LPP: variants seen among roughly 807,000 people sequenced by gnomAD.
LPP encodes lipoma-preferred partner.
LPP carries 38 observed loss-of-function variants against 60.4 expected under a neutral mutation model. The observed-to-expected ratio is 0.63, with a 90% CI of 0.49 to 0.83. The LOEUF is 0.83. LPP is among the 40% of genes least tolerant of loss of function. LPP has a pLI of 0.00. For synonymous variants in LPP, 328 were observed against 290.8 expected (o/e 1.13, Z -1.30); for missense variants, 902 against 783.6 (o/e 1.15, Z -1.80).
At chr3:188,746,941 C>T (rs1408553823) in intron 8 of LPP, among the ~76,000 whole-genome samples, 1 of 152,154 alleles carries the variant, frequency 6.6e-6, no homozygotes, top group Non-Finnish European at 1.5e-5. Flanking sequence ...AGTGGATTTT[C>T]CTTACCCTCA....
intron 3 of LPP, among the ~76,000 whole-genome samples, chr3:188,384,544 C>G (rs1283447785): frequency 2.0e-5 from 3 of 152,036 alleles, no homozygotes; most frequent in African/African-American, 7.2e-5. Context: ...GTAATCCCAG[C>G]ACTTTGGGAG....
intron 7 of LPP, among the ~76,000 whole-genome samples, chr3:188,660,113 A>T (rs1174500287): frequency 6.6e-6 from 1 of 151,992 alleles, no homozygotes; most frequent in Non-Finnish European, 1.5e-5. Context: ...ACACATATTT[A>T]TTACCCGTAT....
intron 1 of LPP, among the ~76,000 whole-genome samples, chr3:188,176,186 G>A (rs1174422668): frequency 6.6e-6 from 1 of 152,138 alleles, no homozygotes; most frequent in Non-Finnish European, 1.5e-5. Context: ...CGTCTCAGAG[G>A]TTCTGATGCT....
intron 7 of LPP, among the ~76,000 whole-genome samples, chr3:188,646,980 G>A (rs1186280772): frequency 6.6e-6 from 1 of 152,262 alleles, no homozygotes; most frequent in Non-Finnish European, 1.5e-5. Flanking sequence ...GTGCCAAGCA[G>A]AGTGTTGCTG....
intron 4 of LPP, among the ~76,000 whole-genome samples, chr3:188,448,288 T>A (rs1028539450): frequency 1.3e-5 from 2 of 152,100 alleles, no homozygotes; most frequent in African/African-American, 2.4e-5. Context: ...GTCTTTGTAA[T>A]GGAGATAATA....
chr3:188,635,834 A>T (rs926865043), intron 7 of LPP, among the ~76,000 whole-genome samples: 5 of 152,234 alleles, frequency 3.3e-5, no homozygotes, highest in Admixed American at 1.3e-4. Context: ...ATTTGAATTT[A>T]GTGTTGGAGA....
chr3:188,752,012 G>A (rs774006850), intron 8 of LPP, among the ~76,000 whole-genome samples: 2 of 152,136 alleles, frequency 1.3e-5, no homozygotes, highest in Non-Finnish European at 2.9e-5. Flanking sequence ...CATCTTTAGA[G>A]AACAGTCCAA....
chr3:188,659,019 G>C (rs1853979836), intron 7 of LPP, among the ~76,000 whole-genome samples: 1 of 152,208 alleles, frequency 6.6e-6, no homozygotes, highest in Admixed American at 6.5e-5. Flanking sequence ...GGTGCTCTTA[G>C]TGACCACAGA....
At chr3:188,216,888 G>A (rs1028335267) in intron 1 of LPP, among the ~76,000 whole-genome samples, 1 of 152,178 alleles carries the variant, frequency 6.6e-6, no homozygotes, top group Non-Finnish European at 1.5e-5. Context: ...CACAGTGCAG[G>A]GCTACTATCC....
At chr3:188,345,484 G>T (rs1002026620) in intron 3 of LPP, among the ~76,000 whole-genome samples, 1 of 152,014 alleles carries the variant, frequency 6.6e-6, no homozygotes, top group Admixed American at 6.6e-5. Context: ...CCTGTTTCCT[G>T]CACATTGTTG....
chr3:188,746,515 C>T lies in LPP; in HGVS notation c.1241-13598C>T, dbSNP rs201624067. ...TGCTGATAATGCCAAGCTGTGTTTA[C>T]AGTCCAAATTTTTGCTGAAGACCTT... On this transcript the variant is annotated intron_variant, in intron 8 of 11. Coordinates refer to ENST00000617246, the MANE Select transcript of LPP (RefSeq NM_001375462.1). The T allele has an allele frequency of 2.2e-4, 109 of 487,478 alleles. 1 individual carries two copies. Among genetic ancestry groups the T allele is most frequent in the Admixed American group, 9.2e-5 (4 of 43,292 alleles). 30.2% of individuals were successfully genotyped at this position (487,478 alleles called of 1,614,324 possible). A position where few individuals can be genotyped will look rare whatever the true frequency, so the allele number is the denominator to read the frequency against.
intron 4 of LPP, among the ~76,000 whole-genome samples, chr3:188,431,350 G>A (rs1463824929): frequency 6.6e-6 from 1 of 152,116 alleles, no homozygotes; most frequent in African/African-American, 2.4e-5. Context: ...AAGACGTGTA[G>A]TTGAAAGCTG....
intron 7 of LPP, among the ~76,000 whole-genome samples, chr3:188,632,278 A>G (rs1229171159): frequency 6.6e-6 from 1 of 152,202 alleles, no homozygotes. Flanking sequence ...GTGGTTACAA[A>G]TAAAATCTAC....
intron 9 of LPP, among the ~76,000 whole-genome samples, chr3:188,849,166 C>T (rs540500969): frequency 4.3e-4 from 66 of 152,266 alleles, no homozygotes; most frequent in Non-Finnish European, 7.8e-4. Context: ...TGATGCCAGA[C>T]GGCTGTGCCA....
At chr3:188,631,841 T>G (rs982048755) in intron 7 of LPP, among the ~76,000 whole-genome samples, 3 of 152,108 alleles carry the variant, frequency 2.0e-5, no homozygotes, top group African/African-American at 7.2e-5. Flanking sequence ...CTGCAGACCA[T>G]GTAAATATAT....
rs114995262 is a variant in LPP at position 188,796,276 on chromosome 3, C to G, written c.1410+35994C>G. Among the ~76,000 whole-genome samples, 1,261 of 152,272 alleles carry G rather than the reference C, an allele frequency of 8.3e-3. 16 individuals are homozygous for G. The highest frequency in any genetic ancestry group is 0.029 in the African/African-American group (1,196 of 41,550). On this transcript the variant is annotated intron_variant, in intron 9 of 11. Transcript: ENST00000617246. The stretch of plus-strand genomic sequence containing the variant: ...CAGTGCAGCACGCTGATTTGAGGAA[C>G]TGAAAGAAGGCCAGTGTGGTCAGAG...
rs1770873983 is a variant in LPP, at chr3:188,888,023, AATT to A, written c.*13547_*13549del. On this transcript the variant is annotated 3_prime_UTR_variant, in exon 12 of 12. Transcript: ENST00000617246. The stretch of plus-strand genomic sequence containing the variant: ...TTGTCTGATTATTTGGCATGTATAA[AATT>A]ATCATGTGGCTTAATGTGCCTTAAG... 1 of 214,820 alleles carries A rather than the reference AATT, an allele frequency of 4.7e-6. No homozygotes were observed. Among genetic ancestry groups the A allele is most frequent in the African/African-American group, 2.3e-5 (1 of 44,334 alleles). 13.3% of individuals were successfully genotyped at this position (214,820 alleles called of 1,614,324 possible).
chr3:188,761,931 G>A (rs1011552918), intron 9 of LPP, among the ~76,000 whole-genome samples: 9 of 152,112 alleles, frequency 5.9e-5, no homozygotes, highest in Admixed American at 3.9e-4. Flanking sequence ...TTATTGCCAC[G>A]AGCCCTAAGG....
At chr3:188,595,068 C>T (rs903941964) in intron 6 of LPP, among the ~76,000 whole-genome samples, 2 of 151,932 alleles carry the variant, frequency 1.3e-5, no homozygotes, top group African/African-American at 4.8e-5. Context: ...TATGCTGTTC[C>T]AAAGAACCTT....
Sources: allele counts gnomAD v4.1 joint callset (sites outside exome capture counted in the v4.1 genomes callset), GRCh38; gene constraint gnomAD v4.1.1; transcripts MANE v1.5; gene names NCBI Gene and HGNC (gene_info 2026-07-23, HGNC 2026-07-21).